Variants in GIGYF2 observed in about 807,000 individuals in gnomAD.
GIGYF2 encodes GRB10-interacting GYF protein 2.
In GIGYF2, 25 loss-of-function variants were observed where a neutral mutation model predicts 208.1. That is an observed-to-expected ratio of 0.12 (90% CI 0.09 to 0.17). The LOEUF is 0.17. Ranked by LOEUF, GIGYF2 falls within the 10% of genes least tolerant of loss-of-function variation. The pLI, the probability that GIGYF2 is intolerant of heterozygous loss-of-function variation, is 1.00. For synonymous variants in GIGYF2, 534 were observed against 543.8 expected, an observed-to-expected ratio of 0.98 and a Z score of 0.25; for missense variants, 1,302 against 1,579.4, an observed-to-expected ratio of 0.82 and a Z score of 2.98.
chr2:232,856,302 A>C (rs1690568636), intron 28 of GIGYF2, among the ~76,000 whole-genome samples: 1 of 152,026 alleles, frequency 6.6e-6, no homozygotes, highest in Admixed American at 6.6e-5. Context: ...TCAGAACCTT[A>C]AGAAAATAAA....
chr2:232,801,429 G>T (rs752838529), intron 14 of GIGYF2, among the ~76,000 whole-genome samples: 5 of 152,162 alleles, frequency 3.3e-5, no homozygotes, highest in Non-Finnish European at 5.9e-5. Context: ...GGAGGCTGAG[G>T]CAGGAGAATT....
chr2:232,749,937 C>T (rs1258641298), intron 5 of GIGYF2, among the ~76,000 whole-genome samples: 2 of 152,062 alleles, frequency 1.3e-5, no homozygotes, highest in African/African-American at 4.8e-5. Context: ...GTAATCCCAG[C>T]GCTTTGGGAG....
At position 232,856,912 on chromosome 2, in the gene GIGYF2, T is replaced by G. The variant is rs1281545027; in HGVS notation, c.*52T>G. ...TCTCCTGTCTGCCGACTATGGAGTC[T>G]CCACCTTTGGACACAACACTTACTC... On this transcript the variant is annotated 3_prime_UTR_variant, in exon 29 of 29. Transcript: ENST00000373563. 3.3e-6 allele frequency: 4 copies of G among 1,202,580 alleles called. No individual in the cohort carries two copies. The Admixed American group carries it at 6.7e-5, about 20-fold the overall frequency. The allele number at this position is 1,202,580 out of a possible 1,614,324, so 74.5% of individuals were successfully genotyped here. A position where few individuals can be genotyped will look rare whatever the true frequency, so the allele number is the denominator to read the frequency against.
chr2:232,707,947 T>G (rs917332032), intron 2 of GIGYF2, among the ~76,000 whole-genome samples: 3 of 151,824 alleles, frequency 2.0e-5, no homozygotes, highest in Non-Finnish European at 2.9e-5. Context: ...CTTTTTGCAT[T>G]TCTTTTTTTT....
At chr2:232,768,645 T>C (rs1420183664) in intron 8 of GIGYF2, 1 of 1,613,948 alleles carries the variant, frequency 6.2e-7, no homozygotes, top group African/African-American at 1.3e-5. Context: ...TTCTCTTTCC[T>C]GATAGAGTAC....
intron 14 of GIGYF2, among the ~76,000 whole-genome samples, chr2:232,805,455 C>T (rs1235006427): frequency 6.6e-6 from 1 of 152,034 alleles, no homozygotes; most frequent in African/African-American, 2.4e-5. Context: ...CTGTCTGTCT[C>T]TGATAATTTT....
At position 232,860,233 on chromosome 2, in the gene GIGYF2, G is replaced by C. The variant is rs1690723775; in HGVS notation, c.*3373G>C. On this transcript the variant is annotated 3_prime_UTR_variant, in exon 29 of 29. Coordinates refer to ENST00000373563, the MANE Select transcript of GIGYF2 (RefSeq NM_001103146.3). ...GCTGGTCTCAAACCCCTGGGCTCAA[G>C]TGATCCTGTTGCCTCAGCCTCCCAA... 1.3e-5 allele frequency: 2 copies of C among 152,126 alleles called. No individual in the cohort carries two copies. The highest frequency in any genetic ancestry group is 3.8e-4 in the East Asian group (2 of 5,196). 9.4% of individuals were successfully genotyped at this position (152,126 alleles called of 1,614,324 possible). A position where few individuals can be genotyped will look rare whatever the true frequency, so the allele number is the denominator to read the frequency against.
intron 8 of GIGYF2, chr2:232,768,176 A>C: frequency 6.2e-7 from 1 of 1,613,506 alleles, no homozygotes; most frequent in Non-Finnish European, 8.5e-7. Context: ...TAATACATTA[A>C]AAAATGGATA....
At chr2:232,838,079 A>G (rs562764498) in intron 22 of GIGYF2, among the ~76,000 whole-genome samples, 1 of 152,268 alleles carries the variant, frequency 6.6e-6, no homozygotes, top group South Asian at 2.1e-4. Flanking sequence ...GGCAATGTTG[A>G]AAGAGCTCTG....
chr2:232,710,253 C>A (rs560116008), intron 2 of GIGYF2, among the ~76,000 whole-genome samples: 6 of 152,240 alleles, frequency 3.9e-5, no homozygotes, highest in Admixed American at 6.5e-5. Context: ...GCCACCGCGC[C>A]TGGCCTAAAA....
intron 8 of GIGYF2, among the ~76,000 whole-genome samples, chr2:232,773,910 TAAAAAAA>T (rs61323973): frequency 1.1e-4 from 12 of 112,794 alleles, no homozygotes; most frequent in East Asian, 5.2e-4. Context: ...TGTCTCTATT[TAAAAAAA>T]AAAAAAAAAA....
At chr2:232,704,869 T>TA (rs1696017693) in intron 2 of GIGYF2, among the ~76,000 whole-genome samples, 1 of 142,914 alleles carries the variant, frequency 7.0e-6, no homozygotes, top group African/African-American at 2.6e-5. Flanking sequence ...TTTTTTTTTT[T>TA]TTTTTTTTGA....
chr2:232,817,783 G>A (rs1700958441), intron 20 of GIGYF2, among the ~76,000 whole-genome samples: 1 of 152,148 alleles, frequency 6.6e-6, no homozygotes, highest in African/African-American at 2.4e-5. Flanking sequence ...CTCTGTTGAT[G>A]GACATTTAGA....
Position 232,790,818 on chromosome 2 carries a change from T to G in GIGYF2, c.833T>G (p.Ile278Arg). Residue 278 changes from isoleucine to arginine, a missense_variant, in exon 10 of 29, where the codon ATA becomes AGA. Physicochemically the swap from Ile to Arg is moderately conservative, Grantham distance 97 (BLOSUM62 -3). Around this residue, in one of 8 missense-constraint regions of GIGYF2, gnomAD observed 50 missense variants for 42.3 expected, o/e 1.18. Transcript: ENST00000373563. ...AGGGTTCGCTCTGGCAGTGGGAGCA[T>G]AGATGATGACAGGGATAGCTTGCCC... ...YRRVRSGSGS[I>R]DDDRDSLPEW... 6.2e-7 allele frequency: 1 copy of G among 1,614,070 alleles called. No individual in the cohort carries two copies. The highest frequency in any genetic ancestry group is 8.5e-7 in the Non-Finnish European group (1 of 1,179,966).
At chr2:232,724,797 C>G (rs1398116445) in intron 2 of GIGYF2, 2 of 152,148 alleles carry the variant, frequency 1.3e-5, no homozygotes, top group Non-Finnish European at 2.9e-5. Context: ...GAGTAATCCT[C>G]CTGCCTCAGT....
intron 17 of GIGYF2, among the ~76,000 whole-genome samples, chr2:232,811,627 G>A (rs1398502656): frequency 1.3e-5 from 2 of 152,106 alleles, no homozygotes; most frequent in Non-Finnish European, 2.9e-5. Context: ...TGGAACCTGC[G>A]ACAGAAAAAC....
intron 14 of GIGYF2, among the ~76,000 whole-genome samples, chr2:232,805,617 G>A (rs1700538335): frequency 6.6e-6 from 1 of 152,048 alleles, no homozygotes; most frequent in South Asian, 2.1e-4. Flanking sequence ...CATGTGTTCT[G>A]GTTGCTGGCT....
chr2:232,760,471 T>G lies in GIGYF2; in HGVS notation c.380-9T>G. On this transcript the variant is annotated splice_polypyrimidine_tract_variant and intron_variant, in intron 6 of 28. Transcript: ENST00000373563. The stretch of plus-strand genomic sequence containing the variant: ...TGACTATCATTTTTTTCTGTTTTCT[T>G]ATTTTCAGGCAGAGGCAGAGGTGAA... 6.3e-7 allele frequency: 1 copy of G among 1,587,042 alleles called. No homozygotes were observed. Among genetic ancestry groups the G allele is most frequent in the Non-Finnish European group, 8.7e-7 (1 of 1,155,498 alleles).
At chr2:232,730,889 C>T (rs1288092881) in intron 2 of GIGYF2, among the ~76,000 whole-genome samples, 1 of 106,252 alleles carries the variant, frequency 9.4e-6, no homozygotes, top group Admixed American at 1.2e-4. Context: ...CAGAGCGAGA[C>T]TCCGTCTCAA....
Sources: gnomAD v4.1 joint callset for allele counts (sites outside exome capture counted in the v4.1 genomes callset) on GRCh38, gnomAD v4.1.1 for gene constraint, gnomAD v4.1.1 regional missense constraint, MANE v1.5 for transcripts, NCBI Gene and HGNC (gene_info 2026-07-23, HGNC 2026-07-21) for gene names.